INTS2: variants seen among roughly 807,000 people sequenced by gnomAD.
The protein encoded by INTS2 is KIAA1287.
In INTS2, 57 loss-of-function variants were observed where a neutral mutation model predicts 139.6. The ratio of observed to expected loss-of-function variants is 0.41; its 90% CI spans 0.33 to 0.51. The LOEUF (loss-of-function observed/expected upper bound fraction) is 0.51, where lower values mean the gene tolerates loss of function less well. Ranked by LOEUF, INTS2 falls within the 20% of genes least tolerant of loss-of-function variation. The probability of loss-of-function intolerance (pLI) is 0.28; values close to 1 mark genes in which losing one functional copy is unlikely to be tolerated. For synonymous variants in INTS2, 473 were observed against 493.4 expected (o/e 0.96, Z 0.55); for missense variants, 1,196 against 1,436.7 (o/e 0.83, Z 2.71).
Position 61,882,534 on chromosome 17 carries a change from GC to G in INTS2, c.2090-1364del, listed in dbSNP as rs375125740. On this transcript the variant is annotated intron_variant, in intron 16 of 24. Coordinates refer to ENST00000251334, the MANE Select transcript of INTS2 (RefSeq NM_001351695.2). This position sits in a 1 kb window ranked among gnomAD's most constrained non-coding sequence, Gnocchi z 4.7. Reference sequence around the variant, plus strand: ...ACTTGAGGCCAGGAGTTGGAGACCAGCCTGGCCAACATGGGGAAATCCTGTC... The same window carrying G: ...ACTTGAGGCCAGGAGTTGGAGACCAGCTGGCCAACATGGGGAAATCCTGTC... Among the ~76,000 whole-genome samples the G allele has an allele frequency of 5.3e-5, 8 of 152,272 alleles. No homozygotes were observed. The highest frequency in any genetic ancestry group is 1.9e-4 in the African/African-American group (8 of 41,552).
rs1433998959 is a variant in INTS2 at position 61,870,826 on chromosome 17, T to G, written c.2779-838A>C. 6.6e-6 allele frequency among the ~76,000 whole-genome samples: 1 copy of G among 152,174 alleles called. No homozygotes were observed. Among genetic ancestry groups the G allele is most frequent in the African/African-American group, 2.4e-5 (1 of 41,430 alleles). ...ATTGTTTTGTTTTCTTTTGTTGTTG[T>G]TGACTCAGGAGCCAGAGTGCCTAGG... On this transcript the variant is annotated intron_variant, in intron 20 of 24. Transcript: ENST00000251334. The surrounding 1 kb of genome is among the most constrained non-coding windows in gnomAD (Gnocchi z 4.4).
At position 61,869,009 on chromosome 17, in the gene INTS2, T is replaced by C; in HGVS notation, c.3244+25A>G. ...AACTATAATAATTTATGTCAGATGT[T>C]TGTTGATGTTGATTGGCTACATACC... On this transcript the variant is annotated intron_variant, in intron 23 of 24. Transcript: ENST00000251334. The surrounding 1 kb of genome is among the most constrained non-coding windows in gnomAD (Gnocchi z 5.4). 11 of 1,251,786 alleles carry C rather than the reference T, an allele frequency of 8.8e-6. No homozygotes were observed. The highest frequency in any genetic ancestry group is 1.3e-5 in the Non-Finnish European group (11 of 861,512). 77.5% of individuals were successfully genotyped at this position (1,251,786 alleles called of 1,614,324 possible).
chr17:61,872,508 T>C lies in INTS2; in HGVS notation c.2583-48A>G, dbSNP rs1260357511. On this transcript the variant is annotated intron_variant, in intron 19 of 24. Coordinates refer to ENST00000251334, the MANE Select transcript of INTS2 (RefSeq NM_001351695.2). The surrounding 1 kb of genome is among the most constrained non-coding windows in gnomAD (Gnocchi z 4.8). ...AAAAATATATCAGAAAGAATATAAA[T>C]TTATAAATTAGCCAGAACATGATCA... 2 of 1,259,996 alleles carry C rather than the reference T, an allele frequency of 1.6e-6. No individual in the cohort carries two copies. Among genetic ancestry groups the C allele is most frequent in the Middle Eastern group, 2.0e-4 (1 of 5,072 alleles). 78.1% of individuals were successfully genotyped at this position (1,259,996 alleles called of 1,614,324 possible). A position where few individuals can be genotyped will look rare whatever the true frequency, so the allele number is the denominator to read the frequency against.
rs1395296135 is a variant in INTS2, at chr17:61,873,633, C to A, written c.2583-1173G>T. 6.6e-6 allele frequency among the ~76,000 whole-genome samples: 1 copy of A among 152,140 alleles called. No homozygotes were observed. The highest frequency in any genetic ancestry group is 2.4e-5 in the African/African-American group (1 of 41,424). On this transcript the variant is annotated intron_variant, in intron 19 of 24. Transcript: ENST00000251334. The surrounding 1 kb of genome is among the most constrained non-coding windows in gnomAD (Gnocchi z 4.0). The stretch of plus-strand genomic sequence containing the variant: ...TTTATTAGATACTTAACATCATTTA[C>A]ATACACAGTTTGTTCTGATTCCTAT...
Position 61,903,174 on chromosome 17 carries a change from GAA to G in INTS2, c.1307+1284_1307+1285del, listed in dbSNP as rs551514700. Among the ~76,000 whole-genome samples, 102 of 59,952 alleles carry G rather than the reference GAA, an allele frequency of 1.7e-3. 1 individual carries two copies. The highest frequency in any genetic ancestry group is 4.9e-3 in the South Asian group (13 of 2,680). The allele number at this position is 59,952 out of a possible 152,430, so 39.3% of individuals were successfully genotyped here. ...AAAGCTAGACTCCGTCTCAAAAAAG[GAA>G]AAAAAAAAAAAAAAAAAGAAAGAAA... On this transcript the variant is annotated intron_variant, in intron 9 of 24. Coordinates refer to ENST00000251334, the MANE Select transcript of INTS2 (RefSeq NM_001351695.2).
intron 9 of INTS2, among the ~76,000 whole-genome samples, chr17:61,904,014 A>G (rs2079435329): frequency 6.6e-6 from 1 of 152,222 alleles, no homozygotes; most frequent in Non-Finnish European, 1.5e-5. Context: ...GAAAGATAAA[A>G]TAGGAAGGAG....
intron 5 of INTS2, among the ~76,000 whole-genome samples, chr17:61,913,059 C>T (rs945066762): frequency 2.7e-5 from 4 of 148,788 alleles, no homozygotes; most frequent in Non-Finnish European, 6.0e-5. Flanking sequence ...CTGGGTGACA[C>T]AGCAAGACTC....
rs2079174300 is a variant in INTS2, at chr17:61,881,116, A to G, written c.2145T>C (p.Ile715=). 5 of 1,613,730 alleles carry G rather than the reference A, an allele frequency of 3.1e-6. No individual in the cohort carries two copies. Among genetic ancestry groups the G allele is most frequent in the Non-Finnish European group, 4.2e-6 (5 of 1,179,620 alleles). The part of the protein sequence containing the change: ...LLATNYPHLC[I]VDDWICEEEI... ...CTTCTTCACAAATCCAGTCATCCAC[A>G]ATACATAAATGTGGGTAGTTAGTAG... The change falls in exon 17 of 25, where the codon ATT becomes ATC. Residue 715 remains isoleucine, a synonymous_variant. Transcript: ENST00000251334.
chr17:61,897,387 A>G lies in INTS2; in HGVS notation c.1494+82T>C, dbSNP rs2079360306. The G allele has an allele frequency of 1.3e-6, 1 of 759,986 alleles. No homozygotes were observed. The highest frequency in any genetic ancestry group is 1.8e-5 in the African/African-American group (1 of 55,972). The allele number at this position is 759,986 out of a possible 1,614,324, so 47.1% of individuals were successfully genotyped here. A position where few individuals can be genotyped will look rare whatever the true frequency, so the allele number is the denominator to read the frequency against. On this transcript the variant is annotated intron_variant, in intron 11 of 24. Transcript: ENST00000251334. The surrounding 1 kb of genome is among the most constrained non-coding windows in gnomAD (Gnocchi z 4.4). ...TTAAACAATTAAAATTACTTAAATG[A>G]AAACAATCTATTTACACTACAACAA...
intron 12 of INTS2, chr17:61,894,291 T>C (rs770968804): frequency 2.0e-5 from 3 of 153,634 alleles, no homozygotes; most frequent in Non-Finnish European, 4.3e-5. Context: ...AATATTCTTT[T>C]TGGAAAAACA....
rs1172021734 is a variant in INTS2, at chr17:61,927,737, G to A, written c.-102C>T. On this transcript the variant is annotated 5_prime_UTR_variant, in exon 1 of 25. Transcript: ENST00000251334. ...GGACGCGGCAGAAATCGAGAGCGCG[G>A]TCCGATGTTGGGCCTAGGCGATATC... 3.4e-6 allele frequency: 5 copies of A among 1,476,576 alleles called. No homozygotes were observed. The highest frequency in any genetic ancestry group is 4.5e-6 in the Non-Finnish European group (5 of 1,116,554). The allele number at this position is 1,476,576 out of a possible 1,614,324, so 91.5% of individuals were successfully genotyped here. A position where few individuals can be genotyped will look rare whatever the true frequency, so the allele number is the denominator to read the frequency against.
chr17:61,906,314 G>A (rs1187441455), intron 8 of INTS2, among the ~76,000 whole-genome samples: 1 of 152,076 alleles, frequency 6.6e-6, no homozygotes, highest in Non-Finnish European at 1.5e-5. Flanking sequence ...AATCCCAAAC[G>A]CTTCTGGTCT....
At chr17:61,906,602 A>C (rs1567909396) in intron 8 of INTS2, among the ~76,000 whole-genome samples, 1 of 152,178 alleles carries the variant, frequency 6.6e-6, no homozygotes, top group Non-Finnish European at 1.5e-5. Flanking sequence ...GGCGTAACTG[A>C]AACTCATGCA....
At chr17:61,903,022 G>A (rs1201661522) in intron 9 of INTS2, among the ~76,000 whole-genome samples, 9 of 150,762 alleles carry the variant, frequency 6.0e-5, no homozygotes, top group African/African-American at 1.2e-4. Context: ...AAAATTAGCC[G>A]GGCGTGGTGG....
At chr17:61,922,484 A>AT (rs1486076062) in intron 3 of INTS2, among the ~76,000 whole-genome samples, 1 of 137,548 alleles carries the variant, frequency 7.3e-6, no homozygotes, top group Non-Finnish European at 1.5e-5. Flanking sequence ...AAAAAAAAAA[A>AT]GAAAAAGAAA....
rs555721845 is a variant in INTS2 at position 61,868,175 on chromosome 17, C to T, written c.3245-166G>A. Among the ~76,000 whole-genome samples the T allele has an allele frequency of 2.6e-5, 4 of 152,146 alleles. No homozygotes were observed. Among genetic ancestry groups the T allele is most frequent in the African/African-American group, 7.2e-5 (3 of 41,536 alleles). ...CAATCTAGTAGTCTCAGTCTTTATC[C>T]AAGATACAAATTATTATGCACAAGT... On this transcript the variant is annotated intron_variant, in intron 23 of 24. Coordinates refer to ENST00000251334, the MANE Select transcript of INTS2 (RefSeq NM_001351695.2). The surrounding 1 kb of genome is among the most constrained non-coding windows in gnomAD (Gnocchi z 4.7).
chr17:61,871,281 C>A lies in INTS2; in HGVS notation c.2778+984G>T, dbSNP rs571362643. ...GACTACAGGTTTGGGCCACCACGCCCGGCTAATTTTTGTATTTTTAGTAGA... is the reference window on the plus strand; with the variant it reads ...GACTACAGGTTTGGGCCACCACGCCAGGCTAATTTTTGTATTTTTAGTAGA... On this transcript the variant is annotated intron_variant, in intron 20 of 24. Coordinates refer to ENST00000251334, the MANE Select transcript of INTS2 (RefSeq NM_001351695.2). This position sits in a 1 kb window ranked among gnomAD's most constrained non-coding sequence, Gnocchi z 4.9. Among the ~76,000 whole-genome samples the A allele has an allele frequency of 6.6e-6, 1 of 151,914 alleles. No individual in the cohort carries two copies. The highest frequency in any genetic ancestry group is 1.5e-5 in the Non-Finnish European group (1 of 67,978).
At chr17:61,924,633 G>C (rs982760472) in intron 3 of INTS2, among the ~76,000 whole-genome samples, 3 of 151,970 alleles carry the variant, frequency 2.0e-5, no homozygotes, top group African/African-American at 7.3e-5. Flanking sequence ...AGCCTGGCCA[G>C]CCTGGTCAAC....
intron 5 of INTS2, among the ~76,000 whole-genome samples, chr17:61,912,807 G>A (rs534168336): frequency 6.6e-6 from 1 of 152,276 alleles, no homozygotes; most frequent in East Asian, 1.9e-4. Flanking sequence ...GCCGGGTGCA[G>A]TGGCTCACAC....
Sources: allele counts gnomAD v4.1 joint callset (sites outside exome capture counted in the v4.1 genomes callset), GRCh38; gene constraint gnomAD v4.1.1; non-coding constraint Gnocchi (gnomAD v3.1); transcripts MANE v1.5; gene names NCBI Gene and HGNC (gene_info 2026-07-23, HGNC 2026-07-21).